GALNT1: variants seen among roughly 807,000 people sequenced by gnomAD.
GALNT1 encodes the protein GalNAc transferase 1.
A neutral mutation model predicts 65.7 loss-of-function variants in GALNT1; 17 were observed. The observed-to-expected ratio is 0.26, with a 90% CI of 0.18 to 0.39. The LOEUF (loss-of-function observed/expected upper bound fraction) is 0.39, where lower values mean the gene tolerates loss of function less well. Among genes scored for constraint, GALNT1 ranks in the 10% least tolerant of loss-of-function variants. GALNT1 has a pLI of 1.00. For synonymous variants in GALNT1, 210 were observed against 219.7 expected (o/e 0.96, Z 0.39); for missense variants, 460 against 672.8 (o/e 0.68, Z 3.50).
At chr18:35,613,097 A>G (rs370845117) in intron 1 of GALNT1, among the ~76,000 whole-genome samples, 3 of 152,128 alleles carry the variant, frequency 2.0e-5, no homozygotes, top group East Asian at 1.9e-4. Flanking sequence ...TTCCATTGCA[A>G]TACCTTCTGT....
At chr18:35,607,573 A>G (rs2046666482) in intron 1 of GALNT1, among the ~76,000 whole-genome samples, 1 of 152,108 alleles carries the variant, frequency 6.6e-6, no homozygotes, top group South Asian at 2.1e-4. Context: ...CTGGACTTAT[A>G]CAGCTCATGT....
At chr18:35,664,578 ATAGGTTATGCAT>A (rs773373620) in intron 3 of GALNT1, 1 of 152,242 alleles carries the variant, frequency 6.6e-6, no homozygotes, top group Non-Finnish European at 1.5e-5. Context: ...AGAGAAAGGA[ATAGGTTATGCAT>A]TTATATAGCA....
chr18:35,674,810 C>T (rs558629707), intron 3 of GALNT1, among the ~76,000 whole-genome samples: 14 of 151,714 alleles, frequency 9.2e-5, no homozygotes, highest in Non-Finnish European at 5.9e-5. Flanking sequence ...GGTGAAACCC[C>T]GTCTCTAGTA....
intron 3 of GALNT1, among the ~76,000 whole-genome samples, chr18:35,670,318 G>T (rs1473234539): frequency 6.6e-6 from 1 of 151,976 alleles, no homozygotes; most frequent in Non-Finnish European, 1.5e-5. Flanking sequence ...AAAATATTCA[G>T]TAAGGTTGAA....
Position 35,621,549 on chromosome 18 carries a change from CAT to C in GALNT1, c.-103-33010_-103-33009del, listed in dbSNP as rs1479797541. On this transcript the variant is annotated intron_variant, in intron 1 of 11. Transcript: ENST00000269195. ...TACATTCTGATACTAATCTTTTGTTCATTATCTGTATGTATCTGAATATTTCT... is the reference window on the plus strand; with the variant it reads ...TACATTCTGATACTAATCTTTTGTTCTATCTGTATGTATCTGAATATTTCT... Among the ~76,000 whole-genome samples the C allele has an allele frequency of 5.7e-4, 71 of 124,922 alleles. 1 individual carries two copies. Among genetic ancestry groups the C allele is most frequent in the African/African-American group, 2.4e-3 (70 of 28,976 alleles). 82.0% of individuals were successfully genotyped at this position (124,922 alleles called of 152,430 possible). A position where few individuals can be genotyped will look rare whatever the true frequency, so the allele number is the denominator to read the frequency against.
At chr18:35,640,947 G>A (rs895708230) in intron 1 of GALNT1, among the ~76,000 whole-genome samples, 3 of 152,158 alleles carry the variant, frequency 2.0e-5, no homozygotes, top group Admixed American at 2.0e-4. Context: ...TTTCTAGATA[G>A]AGAAGATTTT....
chr18:35,625,916 T>C (rs567295986), intron 1 of GALNT1, among the ~76,000 whole-genome samples: 2 of 152,328 alleles, frequency 1.3e-5, no homozygotes, highest in African/African-American at 4.8e-5. Context: ...CCTTTGCTTT[T>C]CAGACTCTTT....
chr18:35,584,931 CT>C (rs2046363013), intron 1 of GALNT1, among the ~76,000 whole-genome samples: 1 of 152,168 alleles, frequency 6.6e-6, no homozygotes, highest in African/African-American at 2.4e-5. Flanking sequence ...TTGGGGACCC[CT>C]GTATGGAGCG....
chr18:35,674,251 T>TA (rs762470470), intron 3 of GALNT1, among the ~76,000 whole-genome samples: 25 of 152,218 alleles, frequency 1.6e-4, no homozygotes, highest in Non-Finnish European at 3.2e-4. Context: ...TAGGCTCTTC[T>TA]AAATGTATTT....
chr18:35,613,036 T>C (rs2046737272), intron 1 of GALNT1, among the ~76,000 whole-genome samples: 1 of 152,188 alleles, frequency 6.6e-6, no homozygotes, highest in South Asian at 2.1e-4. Context: ...GCAGCTCCTC[T>C]CCACCAGGCA....
intron 1 of GALNT1, among the ~76,000 whole-genome samples, chr18:35,641,457 A>G (rs2047162121): frequency 6.6e-6 from 1 of 152,208 alleles, no homozygotes; most frequent in Non-Finnish European, 1.5e-5. Flanking sequence ...AACGCTGGGA[A>G]AAGATACTGC....
intron 5 of GALNT1, among the ~76,000 whole-genome samples, chr18:35,683,892 C>T (rs2047825221): frequency 6.6e-6 from 1 of 152,148 alleles, no homozygotes; most frequent in Admixed American, 6.5e-5. Context: ...ATGGTGAACT[C>T]AGGGAAGACA....
chr18:35,636,783 G>GTTTT lies in GALNT1; in HGVS notation c.-103-17755_-103-17752dup, dbSNP rs58909585. Among the ~76,000 whole-genome samples, 211 of 64,194 alleles carry GTTTT rather than the reference G, an allele frequency of 3.3e-3. 10 individuals are homozygous for GTTTT. Among genetic ancestry groups the GTTTT allele is most frequent in the African/African-American group, 0.01 (193 of 18,692 alleles). The allele number at this position is 64,194 out of a possible 152,430, so 42.1% of individuals were successfully genotyped here. On this transcript the variant is annotated intron_variant, in intron 1 of 11. Coordinates refer to ENST00000269195, the MANE Select transcript of GALNT1 (RefSeq NM_020474.4). ...TATTGTACTTCACAGATACTACTTT[G>GTTTT]TTTTTTTTTTTTTTTTTTTTTTTTT...
chr18:35,685,636 A>G (rs2047856248), intron 5 of GALNT1, among the ~76,000 whole-genome samples: 1 of 152,238 alleles, frequency 6.6e-6, no homozygotes, highest in Non-Finnish European at 1.5e-5. Flanking sequence ...GTACTACAGT[A>G]AATAAAGAAC....
chr18:35,599,078 T>C (rs546336244), intron 1 of GALNT1, among the ~76,000 whole-genome samples: 3 of 152,130 alleles, frequency 2.0e-5, no homozygotes, highest in African/African-American at 7.2e-5. Context: ...AATTGGATTA[T>C]TTGTTGTTTT....
At chr18:35,596,748 T>G (rs1375014773) in intron 1 of GALNT1, 1 of 152,254 alleles carries the variant, frequency 6.6e-6, no homozygotes, top group African/African-American at 2.4e-5. Context: ...GAAGTCTCCA[T>G]ACCTTATTCC....
chr18:35,590,156 T>C (rs1440874241), intron 1 of GALNT1, among the ~76,000 whole-genome samples: 1 of 152,206 alleles, frequency 6.6e-6, no homozygotes, highest in Non-Finnish European at 1.5e-5. Flanking sequence ...TAGTCCTTAA[T>C]GGGGAGGGAT....
upstream of GALNT1, chr18:35,581,372 G>A (rs1293506821): frequency 1.3e-5 from 2 of 149,680 alleles, no homozygotes; most frequent in Non-Finnish European, 3.0e-5. Flanking sequence ...GGAGTCCCGA[G>A]CCCGAGGGGA....
chr18:35,662,929 T>C (rs1343705915), intron 2 of GALNT1, among the ~76,000 whole-genome samples: 1 of 152,196 alleles, frequency 6.6e-6, no homozygotes, highest in Admixed American at 6.5e-5. Flanking sequence ...ATTCTTGTTC[T>C]AATGGGAGGG....
Sources: gnomAD v4.1 joint callset for allele counts (sites outside exome capture counted in the v4.1 genomes callset) on GRCh38, gnomAD v4.1.1 for gene constraint, MANE v1.5 for transcripts, NCBI Gene and HGNC (gene_info 2026-07-23, HGNC 2026-07-21) for gene names.